Variants in BRSK2 observed in about 807,000 individuals in gnomAD.
BRSK2 encodes BR serine/threonine kinase 2, also known as serine/threonine-protein kinase BRSK2.
Under a neutral mutation model 83.3 loss-of-function variants are expected in BRSK2, and 19 were observed. That is an observed-to-expected ratio of 0.23 (90% CI 0.16 to 0.33). The LOEUF (loss-of-function observed/expected upper bound fraction) is 0.33. Ranked by LOEUF, BRSK2 falls within the 10% of genes least tolerant of loss-of-function variation. The pLI, the probability that BRSK2 is intolerant of heterozygous loss-of-function variation, is 1.00. For synonymous variants in BRSK2, 519 were observed against 435.4 expected, an observed-to-expected ratio of 1.19 and a Z score of -2.39; for missense variants, 798 against 1,042.3, an observed-to-expected ratio of 0.77 and a Z score of 3.23.
intron 1 of BRSK2, chr11:1,411,064 C>T: frequency 1.8e-6 from 2 of 1,112,554 alleles, no homozygotes; most frequent in African/African-American, 1.6e-5. Context: ...GGAGATTTGG[C>T]AGGAAGGAGG....
In BRSK2 at chr11:1,462,688, C is replaced by T. The variant is rs1564903827; in HGVS notation, c.*1965C>T. 1 of 152,384 alleles carries T rather than the reference C, an allele frequency of 6.6e-6. No individual in the cohort carries two copies. The highest frequency in any genetic ancestry group is 1.5e-5 in the Non-Finnish European group (1 of 68,132). 9.4% of individuals were successfully genotyped at this position (152,384 alleles called of 1,614,324 possible). A position where few individuals can be genotyped will look rare whatever the true frequency, so the allele number is the denominator to read the frequency against. The stretch of plus-strand genomic sequence containing the variant: ...GAACAATAAATCCCTTCCGCAAAGA[C>T]AGCGACGCAGGTCTTCATCTGGGCA... On this transcript the variant is annotated 3_prime_UTR_variant, in exon 20 of 20. Transcript: ENST00000528841.
rs1167749539 is a variant in BRSK2, at chr11:1,461,712, A to G, written c.*989A>G. The G allele has an allele frequency of 6.6e-6, 1 of 151,300 alleles. No individual in the cohort carries two copies. The highest frequency in any genetic ancestry group is 1.5e-5 in the Non-Finnish European group (1 of 67,900). The allele number at this position is 151,300 out of a possible 1,614,324, so 9.4% of individuals were successfully genotyped here. ...GGGCTGGCGAGCTACTGTAAACTTT[A>G]AAGAATTCCTGCAAGATATTTTTAT... On this transcript the variant is annotated 3_prime_UTR_variant, in exon 20 of 20. Transcript: ENST00000528841.
chr11:1,454,350 C>T lies in BRSK2; in HGVS notation c.1545-135C>T, dbSNP rs2133238127. ...TTGGGGTCAGGGCCATGGGTTCTGG[C>T]TAGCACTGTGGAGACAGCCGTTTCT... On this transcript the variant is annotated intron_variant, in intron 15 of 19. Coordinates refer to ENST00000528841, the MANE Select transcript of BRSK2 (RefSeq NM_001256627.2). This position sits in a 1 kb window ranked among gnomAD's most constrained non-coding sequence, Gnocchi z 5.2. 2.8e-6 allele frequency: 3 copies of T among 1,084,182 alleles called. No individual in the cohort carries two copies. Among genetic ancestry groups the T allele is most frequent in the Non-Finnish European group, 4.1e-6 (3 of 732,902 alleles). The allele number at this position is 1,084,182 out of a possible 1,614,324, so 67.2% of individuals were successfully genotyped here.
Position 1,445,369 on chromosome 11 carries a change from G to A in BRSK2, c.888G>A (p.Glu296=). 6 of 1,611,980 alleles carry A rather than the reference G, an allele frequency of 3.7e-6. No individual in the cohort carries two copies. Among genetic ancestry groups the A allele is most frequent in the East Asian group, 2.2e-5 (1 of 44,864 alleles). ...KVQIRSLPSL[E]DIDPDVLDSM... is the part of the protein sequence containing the mutation. ...AGATCCGCTCGCTGCCCAGCCTGGA[G>A]GACATCGACCCCGACGTGCTGGACA... The change falls in exon 10 of 20, where the codon GAG becomes GAA. Residue 296 remains glutamate, a synonymous_variant. Transcript: ENST00000528841.
chr11:1,428,823 G>C lies in BRSK2; in HGVS notation c.92-7217G>C, dbSNP rs573013400. Among the ~76,000 whole-genome samples, 4 of 152,116 alleles carry C rather than the reference G, an allele frequency of 2.6e-5. No homozygotes were observed. The East Asian group carries it at 7.8e-4, about 30-fold the overall frequency. ...CACTGGGGTGTATGTATGCAGTCGT[G>C]TGTACATGCATGGGTGTGTGTACAG... On this transcript the variant is annotated intron_variant, in intron 1 of 19. Coordinates refer to ENST00000528841, the MANE Select transcript of BRSK2 (RefSeq NM_001256627.2).
At chr11:1,426,141 G>C (rs1213145965) in intron 1 of BRSK2, among the ~76,000 whole-genome samples, 1 of 152,224 alleles carries the variant, frequency 6.6e-6, no homozygotes, top group African/African-American at 2.4e-5. Flanking sequence ...GGGTGCTCTG[G>C]GCACCCAGCT....
chr11:1,421,583 C>T lies in BRSK2; in HGVS notation c.92-14457C>T, dbSNP rs900556164. Among the ~76,000 whole-genome samples the T allele has an allele frequency of 4.6e-5, 7 of 152,314 alleles. No individual in the cohort carries two copies. In the South Asian group the frequency reaches 6.2e-4, roughly 14 times the overall value. The stretch of plus-strand genomic sequence containing the variant: ...AGCAGTTGTCTCCCAAGAGATGCGC[C>T]GCCCCTTCCCTCTGCACCTGGCACT... On this transcript the variant is annotated intron_variant, in intron 1 of 19. Coordinates refer to ENST00000528841, the MANE Select transcript of BRSK2 (RefSeq NM_001256627.2).
intron 9 of BRSK2, 130 bp downstream of exon 9, chr11:1,445,132 G>C (rs1052317881): frequency 2.0e-5 from 29 of 1,484,816 alleles, no homozygotes; most frequent in Non-Finnish European, 2.5e-5. Flanking sequence ...TCCGTGGCCT[G>C]CGCTGGGTGC....
At chr11:1,421,945 C>T (rs1276424334) in intron 1 of BRSK2, among the ~76,000 whole-genome samples, 13 of 81,586 alleles carry the variant, frequency 1.6e-4, no homozygotes, top group East Asian at 1.1e-3. Flanking sequence ...GACCAGGGCC[C>T]GGGAGAGAGG....
Position 1,390,395 on chromosome 11 carries a change from G to A in BRSK2, c.91+20G>A, listed in dbSNP as rs369647200. On this transcript the variant is annotated intron_variant, in intron 1 of 19. Coordinates refer to ENST00000528841, the MANE Select transcript of BRSK2 (RefSeq NM_001256627.2). The surrounding 1 kb of genome is among the most constrained non-coding windows in gnomAD (Gnocchi z 6.8). ...AGACAGGTGCGTGCGGCCGGGGCGG[G>A]GACCGGGGCCGGGGAGGCCGCGCTG... The A allele has an allele frequency of 2.1e-3, 2,166 of 1,013,166 alleles. 5 individuals are homozygous for A. The highest frequency in any genetic ancestry group is 2.4e-3 in the Non-Finnish European group (2,037 of 840,936). 62.8% of individuals were successfully genotyped at this position (1,013,166 alleles called of 1,614,324 possible).
At chr11:1,448,898 C>G (rs1346340330) in intron 12 of BRSK2, among the ~76,000 whole-genome samples, 1 of 152,248 alleles carries the variant, frequency 6.6e-6, no homozygotes, top group African/African-American at 2.4e-5. Flanking sequence ...GTGGTGTGGA[C>G]TAGCGAGGCC....
At chr11:1,447,725 C>G (rs1045746349) in intron 12 of BRSK2, 2 of 1,436,844 alleles carry the variant, frequency 1.4e-6, no homozygotes, top group African/African-American at 2.8e-5. Flanking sequence ...CGGTGTGGCC[C>G]GGGCCCTGGG....
At position 1,443,566 on chromosome 11, in the gene BRSK2, C is replaced by A. The variant is rs1272651198; in HGVS notation, c.711C>A (p.His237Gln). 1 of 1,610,724 alleles carries A rather than the reference C, an allele frequency of 6.2e-7. No homozygotes were observed. Among genetic ancestry groups the A allele is most frequent in the East Asian group, 2.2e-5 (1 of 44,788 alleles). ...AGCGGGGCGTGTTCCACATGCCGCA[C>A]TTTATCCCGCCCGACTGCCAGAGTC... ...KVKRGVFHMP[H>Q]FIPPDCQSLL... Residue 237 changes from histidine to glutamine, a missense_variant, in exon 8 of 20, where the codon CAC (histidine) becomes CAA (glutamine). Physicochemically the swap from His to Gln is conservative, Grantham distance 24. Around this residue, in one of 6 missense-constraint regions of BRSK2, gnomAD observed 145 missense variants for 225.4 expected, o/e 0.64. Transcript: ENST00000528841.
At chr11:1,405,804 C>T (rs990704833) in intron 1 of BRSK2, among the ~76,000 whole-genome samples, 10 of 152,170 alleles carry the variant, frequency 6.6e-5, no homozygotes, top group Admixed American at 3.9e-4. Flanking sequence ...CTCCAGCGCT[C>T]GGTCCTTCCT....
chr11:1,392,007 T>C (rs1039713186), intron 1 of BRSK2, among the ~76,000 whole-genome samples: 10 of 152,024 alleles, frequency 6.6e-5, no homozygotes, highest in African/African-American at 2.4e-4. Flanking sequence ...GAGAGAGATA[T>C]TTAGAAAACA....
chr11:1,395,397 G>A (rs938904869), intron 1 of BRSK2, among the ~76,000 whole-genome samples: 1 of 152,222 alleles, frequency 6.6e-6, no homozygotes, highest in Non-Finnish European at 1.5e-5. Context: ...GACTGCGCCA[G>A]GGTGGAGGCC....
In BRSK2 at chr11:1,438,749, A is replaced by G. The variant is rs1590540617; in HGVS notation, c.272+358A>G. Among the ~76,000 whole-genome samples the G allele has an allele frequency of 6.6e-6, 1 of 152,110 alleles. No individual in the cohort carries two copies. The highest frequency in any genetic ancestry group is 2.4e-5 in the African/African-American group (1 of 41,434). On this transcript the variant is annotated intron_variant, in intron 3 of 19. Coordinates refer to ENST00000528841, the MANE Select transcript of BRSK2 (RefSeq NM_001256627.2). This position sits in a 1 kb window ranked among gnomAD's most constrained non-coding sequence, Gnocchi z 6.4. ...ACGCTGAGCCTCCTGGCCTCTGCCC[A>G]GGACGTCCCCAGCCCTGGGCAGTGA...
At chr11:1,392,505 C>T (rs1440595958) in intron 1 of BRSK2, among the ~76,000 whole-genome samples, 2 of 152,152 alleles carry the variant, frequency 1.3e-5, no homozygotes, top group African/African-American at 4.8e-5. Context: ...AGGAGCTGCT[C>T]GACTTGAGGT....
At chr11:1,434,102 T>C (rs1053445256) in intron 1 of BRSK2, among the ~76,000 whole-genome samples, 10 of 152,282 alleles carry the variant, frequency 6.6e-5, no homozygotes, top group Admixed American at 3.9e-4. Context: ...GGTAAGAAAA[T>C]GCACACATGT....
Sources: gnomAD v4.1 joint callset for allele counts (sites outside exome capture counted in the v4.1 genomes callset) on GRCh38, gnomAD v4.1.1 for gene constraint, gnomAD v4.1.1 regional missense constraint, Gnocchi (gnomAD v3.1) non-coding constraint, MANE v1.5 for transcripts, NCBI Gene and HGNC (gene_info 2026-07-23, HGNC 2026-07-21) for gene names.